RIPOR2: variants seen among roughly 807,000 people sequenced by gnomAD.
RIPOR2 encodes RHO family interacting cell polarization regulator 2, also known as rho family-interacting cell polarization regulator 2.
In RIPOR2, 39 loss-of-function variants were observed where a neutral mutation model predicts 114.5. That is an observed-to-expected ratio of 0.34 (90% confidence interval 0.26 to 0.44). The LOEUF (loss-of-function observed/expected upper bound fraction) is 0.44, where lower values mean the gene tolerates loss of function less well. Ranked by LOEUF, RIPOR2 falls within the 20% of genes least tolerant of loss-of-function variation. The probability of loss-of-function intolerance (pLI) is 1.00; values close to 1 mark genes in which losing one functional copy is unlikely to be tolerated. For missense variants in RIPOR2, 1,007 were observed against 1,255.1 expected (o/e 0.80, Z 2.99); for synonymous variants, 445 against 484.4 (o/e 0.92, Z 1.07).
At chr6:25,005,700 T>G (rs1175319090) in intron 1 of RIPOR2, among the ~76,000 whole-genome samples, 31 of 37,430 alleles carry the variant, frequency 8.3e-4, no homozygotes, top group Admixed American at 1.9e-3. Context: ...TGGAGATATA[T>G]ATATATATAT....
chr6:24,973,833 T>G (rs1773905236), intron 1 of RIPOR2, among the ~76,000 whole-genome samples: 1 of 152,072 alleles, frequency 6.6e-6, no homozygotes, highest in Non-Finnish European at 1.5e-5. Context: ...CCTAAGTGAA[T>G]TAATGTAGGA....
At chr6:24,958,869 C>T (rs1196163867) in intron 1 of RIPOR2, among the ~76,000 whole-genome samples, 1 of 151,988 alleles carries the variant, frequency 6.6e-6, no homozygotes, top group Non-Finnish European at 1.5e-5. Context: ...AAATCCCTTC[C>T]ATGCCTCCTC....
chr6:24,842,520 T>C (rs1019707778), intron 13 of RIPOR2, among the ~76,000 whole-genome samples: 2 of 152,190 alleles, frequency 1.3e-5, no homozygotes, highest in Non-Finnish European at 2.9e-5. Context: ...CCCGACCCCC[T>C]GAGAGGGATC....
intron 18 of RIPOR2, among the ~76,000 whole-genome samples, chr6:24,826,798 C>T (rs536884981): frequency 2.8e-4 from 42 of 152,056 alleles, no homozygotes; most frequent in Non-Finnish European, 4.0e-4. Context: ...GGCATAATTA[C>T]AATTTGGAAT....
chr6:24,847,884 G>C, intron 12 of RIPOR2, 141 bp downstream of exon 12: 1 of 1,217,076 alleles, frequency 8.2e-7, no homozygotes. Context: ...AGGTGGGCAA[G>C]GAGAGAGGAA....
intron 1 of RIPOR2, among the ~76,000 whole-genome samples, chr6:24,884,145 A>G (rs960539350): frequency 8.5e-5 from 13 of 152,244 alleles, no homozygotes; most frequent in Admixed American, 1.3e-4. Flanking sequence ...ACGGTGGCTC[A>G]CGCCTGTAAT....
At chr6:24,876,634 T>C (rs1022000610) in intron 1 of RIPOR2, among the ~76,000 whole-genome samples, 1 of 152,192 alleles carries the variant, frequency 6.6e-6, no homozygotes, top group African/African-American at 2.4e-5. Context: ...TTCTGAAAGC[T>C]AAGATTGTGC....
chr6:25,025,010 G>A (rs963311509), intron 1 of RIPOR2, among the ~76,000 whole-genome samples: 2 of 152,204 alleles, frequency 1.3e-5, no homozygotes, highest in Non-Finnish European at 2.9e-5. Context: ...GTTGGATGTC[G>A]ATGGGTGAGT....
At chr6:24,808,349 G>A (rs1426003833) in intron 21 of RIPOR2, among the ~76,000 whole-genome samples, 1 of 152,178 alleles carries the variant, frequency 6.6e-6, no homozygotes, top group Non-Finnish European at 1.5e-5. Context: ...GGTTATTTTA[G>A]AATATGAAGG....
intron 1 of RIPOR2, among the ~76,000 whole-genome samples, chr6:24,886,514 T>A (rs535088492): frequency 6.6e-6 from 1 of 152,326 alleles, no homozygotes; most frequent in Non-Finnish European, 1.5e-5. Context: ...TCTGGGACAG[T>A]TTCTTGGCAA....
chr6:24,938,158 G>C (rs1372853152), upstream of RIPOR2, among the ~76,000 whole-genome samples: 2 of 152,154 alleles, frequency 1.3e-5, no homozygotes, highest in African/African-American at 4.8e-5. Flanking sequence ...TATCATATTG[G>C]AGGAGGATGG....
chr6:24,811,336 C>A (rs1238113589), intron 20 of RIPOR2, among the ~76,000 whole-genome samples: 7 of 132,592 alleles, frequency 5.3e-5, no homozygotes, highest in Non-Finnish European at 1.1e-4. Flanking sequence ...TGGATTCAAG[C>A]GATTCTCCTG....
chr6:24,888,390 A>G (rs1767023503), intron 1 of RIPOR2, among the ~76,000 whole-genome samples: 3 of 152,218 alleles, frequency 2.0e-5, no homozygotes, highest in Non-Finnish European at 4.4e-5. Flanking sequence ...ACTTCAGAAC[A>G]GCATCAAAAT....
intron 1 of RIPOR2, among the ~76,000 whole-genome samples, chr6:24,905,782 G>A (rs184562618): frequency 1.1e-4 from 16 of 152,294 alleles, no homozygotes; most frequent in East Asian, 3.9e-4. Flanking sequence ...TGCTTTTAGC[G>A]TTTCTCTGCC....
chr6:25,027,277 C>T (rs1465377010), intron 1 of RIPOR2, among the ~76,000 whole-genome samples: 5 of 152,180 alleles, frequency 3.3e-5, no homozygotes, highest in Admixed American at 3.3e-4. Context: ...ACGGCCCAAG[C>T]ATCGAGAAGC....
intron 6 of RIPOR2, 67 bp downstream of exon 6, chr6:24,869,027 G>T: frequency 2.2e-6 from 2 of 916,226 alleles, no homozygotes; most frequent in Non-Finnish European, 3.5e-6. Context: ...ACTACGCTCA[G>T]CCCAAAGGTG....
chr6:25,029,158 C>T (rs1230906814), intron 1 of RIPOR2, among the ~76,000 whole-genome samples: 2 of 152,072 alleles, frequency 1.3e-5, no homozygotes, highest in Admixed American at 1.3e-4. Context: ...CATGGTGGCG[C>T]GCATCTGTAG....
chr6:24,945,023 C>T (rs555432035), intron 1 of RIPOR2, among the ~76,000 whole-genome samples: 28 of 151,730 alleles, frequency 1.8e-4, no homozygotes, highest in African/African-American at 5.3e-4. Context: ...GTAATGTTCC[C>T]GCCACAAAGA....
At chr6:24,891,999 T>C (rs919474367) in intron 1 of RIPOR2, among the ~76,000 whole-genome samples, 1 of 152,164 alleles carries the variant, frequency 6.6e-6, no homozygotes, top group African/African-American at 2.4e-5. Flanking sequence ...GCTGGGACTA[T>C]AGGTGCGTGC....
Sources: allele counts gnomAD v4.1 joint callset (sites outside exome capture counted in the v4.1 genomes callset), GRCh38; gene constraint gnomAD v4.1.1; transcripts MANE v1.5; gene names NCBI Gene and HGNC (gene_info 2026-07-23, HGNC 2026-07-21).